Variants in TNRC6B observed in about 807,000 individuals in gnomAD.
TNRC6B encodes trinucleotide repeat-containing gene 6B protein.
A neutral mutation model predicts 203.6 loss-of-function variants in TNRC6B; 52 were observed. That is an observed-to-expected ratio of 0.26 (90% CI 0.20 to 0.32). The LOEUF (loss-of-function observed/expected upper bound fraction) is 0.32. Among genes scored for constraint, TNRC6B ranks in the 10% least tolerant of loss-of-function variants. The pLI is 1.00. For missense variants in TNRC6B, 1,923 were observed against 2,286.2 expected, an observed-to-expected ratio of 0.84 and a Z score of 3.24; for synonymous variants, 838 against 845.7, an observed-to-expected ratio of 0.99 and a Z score of 0.16.
intron 10 of TNRC6B, among the ~76,000 whole-genome samples, chr22:40,280,844 G>A (rs8142876): frequency 0.015 from 2,358 of 152,218 alleles, 70 homozygotes; most frequent in African/African-American, 0.055. Context: ...TATTAGATGC[G>A]TAAAAATAAA....
intron 1 of TNRC6B, among the ~76,000 whole-genome samples, chr22:40,197,430 G>GCA (rs1246589475): frequency 2.0e-5 from 3 of 151,764 alleles, no homozygotes; most frequent in Admixed American, 2.0e-4. Flanking sequence ...GGGATTACAG[G>GCA]TGCCTGCTAC....
chr22:40,289,475 A>G (rs1338028183), intron 12 of TNRC6B, among the ~76,000 whole-genome samples: 2 of 152,134 alleles, frequency 1.3e-5, no homozygotes, highest in Non-Finnish European at 2.9e-5. Context: ...CTTGCATAAT[A>G]TGATGATCTG....
Position 40,308,549 on chromosome 22 carries a change from T to C in TNRC6B, c.4158T>C (p.Gly1386=). ...GCGGCATGGACTATGGCATGGTTGG[T>C]GGGAAGGAGGCTGGAACCGAGTCTC... ...SSGGMDYGMV[G]GKEAGTESRF... is the part of the protein sequence containing the mutation. The change falls in exon 16 of 23, where the codon GGT becomes GGC. Residue 1386 remains glycine (G), a synonymous_variant. Coordinates refer to ENST00000454349, the MANE Select transcript of TNRC6B (RefSeq NM_001162501.2). The C allele has an allele frequency of 8.7e-6, 14 of 1,613,946 alleles. No homozygotes were observed. The highest frequency in any genetic ancestry group is 1.2e-5 in the Non-Finnish European group (14 of 1,179,884).
chr22:40,086,463 A>G (rs574683407), intron 1 of TNRC6B, among the ~76,000 whole-genome samples: 1 of 152,274 alleles, frequency 6.6e-6, no homozygotes, highest in African/African-American at 2.4e-5. Flanking sequence ...TGGTTTCTGA[A>G]GACTTTTTAT....
chr22:40,061,988 C>T (rs749814039), intron 1 of TNRC6B, among the ~76,000 whole-genome samples: 6 of 151,908 alleles, frequency 3.9e-5, no homozygotes, highest in East Asian at 1.9e-4. Context: ...GCAGGAGAAT[C>T]GCTTGAATCT....
chr22:40,265,924 C>T lies in TNRC6B; in HGVS notation c.1694C>T (p.Thr565Ile). The change falls in exon 5 of 23, where the codon ACA becomes ATA. Residue 565 changes from threonine to isoleucine, a missense_variant. By Grantham distance (89) the Thr-to-Ile change is moderately conservative. This residue lies in a region of TNRC6B where 614 missense variants were observed against 587.7 expected (regional missense o/e 1.04). Coordinates refer to ENST00000454349, the MANE Select transcript of TNRC6B (RefSeq NM_001162501.2). ...APCWGRSSSS[T>I]GSEVGGQSTG... The stretch of plus-strand genomic sequence containing the variant: ...TGTTGGGGAAGATCTTCCAGCTCCA[C>T]AGGAAGTGAAGTTGGAGGTCAAAGC... The T allele has an allele frequency of 5.0e-6, 8 of 1,614,016 alleles. No homozygotes were observed. The highest frequency in any genetic ancestry group is 2.5e-6 in the Non-Finnish European group (3 of 1,179,908).
chr22:40,227,358 C>CTTTT (rs71199278), intron 1 of TNRC6B, among the ~76,000 whole-genome samples: 36 of 70,994 alleles, frequency 5.1e-4, no homozygotes, highest in East Asian at 1.1e-3. Flanking sequence ...CTGAAATTAC[C>CTTTT]TTTTTTTTTT....
At chr22:40,125,858 C>A (rs575874942) in exon 3 of TNRC6B, 4 of 1,611,774 alleles carry the variant, frequency 2.5e-6, no homozygotes, top group African/African-American at 1.3e-5. Context: ...GAAAGCAGTT[C>A]CAAGGTCAGT....
chr22:40,295,487 AAAAAG>A (rs949871230), intron 12 of TNRC6B, among the ~76,000 whole-genome samples: 25 of 151,932 alleles, frequency 1.6e-4, no homozygotes, highest in Admixed American at 3.3e-4. Flanking sequence ...AAAAAAAAAA[AAAAAG>A]AAAGAAAGAA....
intron 7 of TNRC6B, among the ~76,000 whole-genome samples, chr22:40,274,084 C>G (rs918328159): frequency 1.3e-5 from 2 of 152,126 alleles, no homozygotes; most frequent in African/African-American, 4.8e-5. Flanking sequence ...ACCTTGAAAC[C>G]TTGAACTATA....
At chr22:40,055,714 A>C (rs1222508892) in intron 1 of TNRC6B, among the ~76,000 whole-genome samples, 2 of 152,178 alleles carry the variant, frequency 1.3e-5, no homozygotes, top group African/African-American at 4.8e-5. Context: ...TGGAATTAGA[A>C]AGTGGTGACT....
intron 3 of TNRC6B, among the ~76,000 whole-genome samples, chr22:40,137,787 C>T (rs2068612050): frequency 6.6e-6 from 1 of 152,014 alleles, no homozygotes. Context: ...AGTTCCAGAC[C>T]AGCCTGGCCA....
intron 1 of TNRC6B, among the ~76,000 whole-genome samples, chr22:40,232,502 A>G (rs1425510725): frequency 6.6e-6 from 1 of 152,212 alleles, no homozygotes; most frequent in East Asian, 1.9e-4. Context: ...TCAAGGCACT[A>G]TGAAGAACTT....
At chr22:40,272,858 C>G (rs2070583221) in intron 6 of TNRC6B, among the ~76,000 whole-genome samples, 1 of 152,154 alleles carries the variant, frequency 6.6e-6, no homozygotes, top group Non-Finnish European at 1.5e-5. Context: ...TTTTAGATTT[C>G]CATGGCTATA....
At chr22:40,143,558 C>T (rs999106127) in intron 3 of TNRC6B, among the ~76,000 whole-genome samples, 2 of 152,146 alleles carry the variant, frequency 1.3e-5, no homozygotes, top group African/African-American at 2.4e-5. Flanking sequence ...GGCCCAATCT[C>T]GGCTCACTGC....
chr22:40,281,002 A>G, intron 10 of TNRC6B, 117 bp from the exon 11 acceptor site: 1 of 812,684 alleles, frequency 1.2e-6, no homozygotes, highest in Non-Finnish European at 1.8e-6. Flanking sequence ...ATCCTTGGTT[A>G]TTGCTAATAC....
chr22:40,165,456 A>G (rs926949662), intron 4 of TNRC6B, among the ~76,000 whole-genome samples: 23 of 152,146 alleles, frequency 1.5e-4, no homozygotes, highest in African/African-American at 5.6e-4. Context: ...GATTACAGGC[A>G]TGAGCCACCA....
At chr22:40,213,828 A>C (rs999520495) in intron 1 of TNRC6B, among the ~76,000 whole-genome samples, 26 of 152,226 alleles carry the variant, frequency 1.7e-4, no homozygotes, top group African/African-American at 6.0e-4. Context: ...AGGAATAGCT[A>C]ATCCAAAGTC....
intron 9 of TNRC6B, among the ~76,000 whole-genome samples, 163 bp downstream of exon 9, chr22:40,278,207 C>T (rs901539848): frequency 2.6e-5 from 4 of 152,154 alleles, no homozygotes; most frequent in Non-Finnish European, 4.4e-5. Context: ...GGATAGAAAA[C>T]TCACATGACT....
Sources: allele counts gnomAD v4.1 joint callset (sites outside exome capture counted in the v4.1 genomes callset), GRCh38; gene constraint gnomAD v4.1.1; regional missense constraint gnomAD v4.1.1; transcripts MANE v1.5; gene names NCBI Gene and HGNC (gene_info 2026-07-23, HGNC 2026-07-21).